The following ZNF292 variants were observed in gnomAD, a reference collection of about 807,000 sequenced individuals.
The protein encoded by ZNF292 is 16 zinc-finger domain protein.
Under a neutral mutation model 217.9 loss-of-function variants are expected in ZNF292, and 26 were observed. The observed-to-expected ratio is 0.12, with a 90% CI of 0.09 to 0.17. ZNF292 has a LOEUF of 0.17. Ranked by LOEUF, ZNF292 falls within the 10% of genes least tolerant of loss-of-function variation. The pLI is 1.00. For synonymous variants in ZNF292, 1,257 were observed against 1,124.1 expected, an observed-to-expected ratio of 1.12 and a Z score of -2.37; for missense variants, 2,904 against 3,175.2, an observed-to-expected ratio of 0.91 and a Z score of 2.05.
chr6:87,162,911 T>G (rs1460722625), intron 1 of ZNF292, among the ~76,000 whole-genome samples: 2 of 152,232 alleles, frequency 1.3e-5, no homozygotes, highest in Admixed American at 1.3e-4. Flanking sequence ...GAGTATGCTC[T>G]TATAGTTGTA....
At chr6:87,203,459 A>G (rs1772153272) in intron 1 of ZNF292, among the ~76,000 whole-genome samples, 1 of 152,082 alleles carries the variant, frequency 6.6e-6, no homozygotes, top group Admixed American at 6.5e-5. Context: ...CTAACTTTAA[A>G]TTATCCTCAC....
At chr6:87,235,134 T>C (rs187308580) in intron 5 of ZNF292, among the ~76,000 whole-genome samples, 95 of 152,316 alleles carry the variant, frequency 6.2e-4, no homozygotes, top group African/African-American at 2.3e-3. Context: ...ATTGCTATTA[T>C]ATATGAGAGC....
chr6:87,185,144 G>A (rs115891218), intron 1 of ZNF292, among the ~76,000 whole-genome samples: 2,313 of 152,268 alleles, frequency 0.015, 58 homozygotes, highest in African/African-American at 0.052. Context: ...GTACCCATAT[G>A]CATTTCCTTA....
chr6:87,238,435 G>A (rs979595564), intron 5 of ZNF292, among the ~76,000 whole-genome samples: 1 of 150,366 alleles, frequency 6.7e-6, no homozygotes, highest in African/African-American at 2.4e-5. Context: ...GCGGTGAGTC[G>A]AGATCGCACC....
rs1375753519 is a variant in ZNF292, at chr6:87,260,878, A to G, written c.7249A>G (p.Thr2417Ala). The G allele has an allele frequency of 6.2e-7, 1 of 1,610,342 alleles. No homozygotes were observed. The highest frequency in any genetic ancestry group is 1.1e-5 in the South Asian group (1 of 90,530). ...GTGCCATAAATTATCTAAGGCATTT[A>G]CATCACAACACCGAAATCTTCTTAT... ...YKCHKLSKAF[T>A]SQHRNLLIVF... is the part of the protein sequence containing the mutation. Residue 2417 changes from threonine (T) to alanine (A), a missense_variant, in exon 8 of 8, where the codon ACA becomes GCA. This residue lies in a region of ZNF292 where 380 missense variants were observed against 355.3 expected (regional missense o/e 1.07). Transcript: ENST00000369577.
intron 1 of ZNF292, among the ~76,000 whole-genome samples, chr6:87,165,989 C>G (rs1224451063): frequency 6.6e-6 from 1 of 152,116 alleles, no homozygotes; most frequent in Non-Finnish European, 1.5e-5. Flanking sequence ...AACTCCTGAC[C>G]TCAGGTGATC....
intron 1 of ZNF292, among the ~76,000 whole-genome samples, chr6:87,190,390 C>A (rs895211521): frequency 2.6e-5 from 4 of 152,152 alleles, no homozygotes; most frequent in African/African-American, 7.2e-5. Context: ...ATTACCTATG[C>A]TTGCTTACAG....
At position 87,259,857 on chromosome 6, in the gene ZNF292, A is replaced by G. The variant is rs1324039062; in HGVS notation, c.6228A>G (p.Gln2076=). 6 of 1,613,246 alleles carry G rather than the reference A, an allele frequency of 3.7e-6. No homozygotes were observed. The East Asian group carries it at 1.3e-4, about 36-fold the overall frequency. Residue 2076 remains glutamine (Q), a synonymous_variant, in exon 8 of 8, where the codon CAA becomes CAG. Coordinates refer to ENST00000369577, the MANE Select transcript of ZNF292 (RefSeq NM_015021.3). ...ATACAAATGCACTCACAAACACACA[A>G]ACCAAAGGACGGAAGATTAGGAGGC... ...QCNTNALTNT[Q]TKGRKIRRHK...
chr6:87,228,194 A>T (rs1056659401), intron 4 of ZNF292, among the ~76,000 whole-genome samples: 6 of 152,000 alleles, frequency 3.9e-5, no homozygotes, highest in Middle Eastern at 3.4e-3. Context: ...ATGATTTTTG[A>T]TGTTTCGTAT....
rs117416811 is a variant in ZNF292, at chr6:87,193,726, A to G, written c.169-22177A>G. 4.4e-3 allele frequency among the ~76,000 whole-genome samples: 671 copies of G among 152,300 alleles called. 4 individuals carry two copies. The highest frequency in any genetic ancestry group is 6.9e-3 in the Non-Finnish European group (468 of 68,020). On this transcript the variant is annotated intron_variant, in intron 1 of 7. Transcript: ENST00000369577. ...CAACCTTTGTTTCATGCACAAAGTT[A>G]TTTAAAAACATTATATAAAATTACT... is the stretch of plus-strand genomic sequence containing the variant.
intron 1 of ZNF292, among the ~76,000 whole-genome samples, chr6:87,198,371 A>AT: frequency 6.6e-6 from 1 of 151,870 alleles, no homozygotes; most frequent in South Asian, 2.1e-4. Context: ...CACCTGGCTA[A>AT]TTTTTTGTAT....
At chr6:87,165,632 A>G (rs964839897) in intron 1 of ZNF292, among the ~76,000 whole-genome samples, 7 of 152,162 alleles carry the variant, frequency 4.6e-5, no homozygotes, top group African/African-American at 1.7e-4. Context: ...GGTCACTGGG[A>G]TTCAATTCAG....
chr6:87,215,765 T>C, intron 1 of ZNF292, 138 bp from the exon 2 acceptor site: 1 of 578,920 alleles, frequency 1.7e-6, no homozygotes, highest in Non-Finnish European at 2.8e-6. Flanking sequence ...ATTTAATATT[T>C]TAATCAATAT....
chr6:87,208,524 T>C (rs1772341907), intron 1 of ZNF292, among the ~76,000 whole-genome samples: 1 of 152,160 alleles, frequency 6.6e-6, no homozygotes, highest in Non-Finnish European at 1.5e-5. Flanking sequence ...TTTTCTCACA[T>C]ATCGAAGAAT....
At position 87,216,032 on chromosome 6, in the gene ZNF292, G is replaced by C. The variant is rs750298330; in HGVS notation, c.298G>C (p.Ala100Pro). 6.4e-7 allele frequency: 1 copy of C among 1,569,600 alleles called. No homozygotes were observed. The highest frequency in any genetic ancestry group is 8.6e-7 in the Non-Finnish European group (1 of 1,165,044). The change falls in exon 2 of 8, where the codon GCC becomes CCC. Residue 100 changes from alanine (A) to proline (P), a missense_variant. By Grantham distance (27) the Ala-to-Pro change is conservative. Coordinates refer to ENST00000369577, the MANE Select transcript of ZNF292 (RefSeq NM_015021.3). Reference sequence around the variant, plus strand: ...TCTTACCTCTGAATGTGAAAATGTAGCCTTGGTTCTGGAACGCTTGGCATT... The same window carrying C: ...TCTTACCTCTGAATGTGAAAATGTACCCTTGGTTCTGGAACGCTTGGCATT... ...PYLTSECENV[A>P]LVLERLALSC...
Position 87,260,345 on chromosome 6 carries a change from C to T in ZNF292, c.6716C>T (p.Ala2239Val), listed in dbSNP as rs764565541. ...TTGAACTATGTTGTTCATCTAGAGG[C>T]AGACCACGGGATTGGACTAAGGGCA... ...TYLNYVVHLE[A>V]DHGIGLRASK... Residue 2239 changes from alanine to valine, a missense_variant, in exon 8 of 8, where the codon GCA becomes GTA. This residue lies in a region of ZNF292 where 55 missense variants were observed against 99.8 expected (regional missense o/e 0.55). Coordinates refer to ENST00000369577, the MANE Select transcript of ZNF292 (RefSeq NM_015021.3). The T allele has an allele frequency of 2.5e-6, 4 of 1,613,298 alleles. No homozygotes were observed. The highest frequency in any genetic ancestry group is 2.2e-5 in the South Asian group (2 of 91,060).
In ZNF292 at chr6:87,260,504, C is replaced by G. The variant is rs1423585964; in HGVS notation, c.6875C>G (p.Pro2292Arg). 6.2e-7 allele frequency: 1 copy of G among 1,613,184 alleles called. No homozygotes were observed. Among genetic ancestry groups the G allele is most frequent in the Non-Finnish European group, 8.5e-7 (1 of 1,179,612 alleles). The change falls in exon 8 of 8, where the codon CCA (proline) becomes CGA (arginine). Residue 2292 changes from proline (P) to arginine (R), a missense_variant. Physicochemically the swap from Pro to Arg is moderately radical, Grantham distance 103 (BLOSUM62 -2). This residue lies in a region of ZNF292 where 55 missense variants were observed against 99.8 expected (regional missense o/e 0.55). Coordinates refer to ENST00000369577, the MANE Select transcript of ZNF292 (RefSeq NM_015021.3). The stretch of plus-strand genomic sequence containing the variant: ...AAACATAAGGCTCATTTGATTCGTC[C>G]AAGAAGATTAACACCAGGCCAGGAA... ...NDKHKAHLIR[P>R]RRLTPGQENM...
chr6:87,261,127 G>A lies in ZNF292; in HGVS notation c.7498G>A (p.Val2500Ile), dbSNP rs915267492. The change falls in exon 8 of 8, where the codon GTA (valine) becomes ATA (isoleucine). Residue 2500 changes from valine to isoleucine, a missense_variant. Coordinates refer to ENST00000369577, the MANE Select transcript of ZNF292 (RefSeq NM_015021.3). The part of the protein sequence containing the change: ...TKLINEDSTS[V>I]ETQANTSSNV... ...ATTAATAAATGAAGATAGCACAAGT[G>A]TAGAGACCCAAGCTAATACTTCTTC... The A allele has an allele frequency of 6.8e-6, 11 of 1,612,728 alleles. No individual in the cohort carries two copies. Among genetic ancestry groups the A allele is most frequent in the Admixed American group, 5.0e-5 (3 of 59,834 alleles).
At chr6:87,238,626 T>C (rs910738160) in intron 5 of ZNF292, among the ~76,000 whole-genome samples, 3 of 144,618 alleles carry the variant, frequency 2.1e-5, no homozygotes, top group Non-Finnish European at 4.5e-5. Context: ...TTTTTTTTTT[T>C]CAGTAAGTAT....
Sources: allele counts gnomAD v4.1 joint callset (sites outside exome capture counted in the v4.1 genomes callset), GRCh38; gene constraint gnomAD v4.1.1; regional missense constraint gnomAD v4.1.1; transcripts MANE v1.5; gene names NCBI Gene and HGNC (gene_info 2026-07-23, HGNC 2026-07-21).